The following HELZ variants were observed in gnomAD, a reference collection of about 807,000 sequenced individuals.
HELZ encodes ATP-dependent RNA helicase with zinc finger domain.
A neutral mutation model predicts 218.2 loss-of-function variants in HELZ; 23 were observed. The observed-to-expected ratio is 0.11, with a 90% CI of 0.08 to 0.15. The LOEUF is 0.15. Among genes scored for constraint, HELZ ranks in the 10% least tolerant of loss-of-function variants. HELZ has a pLI of 1.00. For missense variants in HELZ, 1,813 were observed against 2,353.7 expected (o/e 0.77, Z 4.75); for synonymous variants, 814 against 829.4 (o/e 0.98, Z 0.32).
At chr17:67,179,561 T>A (rs929513461) in intron 12 of HELZ, 1 of 152,180 alleles carries the variant, frequency 6.6e-6, no homozygotes, top group African/African-American at 2.4e-5. Context: ...TAGGGCACAA[T>A]GTCAAAACAA....
chr17:67,192,183 C>G (rs943438590), intron 9 of HELZ, among the ~76,000 whole-genome samples: 6 of 151,404 alleles, frequency 4.0e-5, no homozygotes, highest in African/African-American at 1.5e-4. Context: ...GCCTGGGCAA[C>G]AAGAGCAAAA....
At position 67,235,237 on chromosome 17, in the gene HELZ, T is replaced by G. The variant is rs556905927; in HGVS notation, c.-19+4196A>C. Among the ~76,000 whole-genome samples, 11 of 152,140 alleles carry G rather than the reference T, an allele frequency of 7.2e-5. No homozygotes were observed. The East Asian group carries it at 1.9e-3, about 27-fold the overall frequency. On this transcript the variant is annotated intron_variant, in intron 3 of 32. Transcript: ENST00000358691. The stretch of plus-strand genomic sequence containing the variant: ...AGAGACAACAGAAGGCCGGGCGCGG[T>G]GGCTCACACCTGTAATCCCAGCACT...
At chr17:67,097,923 A>G (rs1186532328) in intron 31 of HELZ, among the ~76,000 whole-genome samples, 1 of 152,232 alleles carries the variant, frequency 6.6e-6, no homozygotes, top group African/African-American at 2.4e-5. Flanking sequence ...AAGAATGTGG[A>G]GAAATTAAGT....
chr17:67,175,702 C>T (rs2039435812), intron 13 of HELZ, among the ~76,000 whole-genome samples: 1 of 152,178 alleles, frequency 6.6e-6, no homozygotes, highest in Non-Finnish European at 1.5e-5. Flanking sequence ...GCCTTCATAT[C>T]CAGGGTTACC....
intron 20 of HELZ, among the ~76,000 whole-genome samples, chr17:67,146,877 G>C (rs1163181441): frequency 6.6e-6 from 1 of 152,124 alleles, no homozygotes; most frequent in Non-Finnish European, 1.5e-5. Context: ...GGAGCACAAA[G>C]GGGCTTTTGG....
chr17:67,097,862 T>C (rs2036797660), intron 31 of HELZ, among the ~76,000 whole-genome samples: 1 of 152,234 alleles, frequency 6.6e-6, no homozygotes, highest in Non-Finnish European at 1.5e-5. Context: ...ACTAAATAAA[T>C]TTTCCAGCTT....
At position 67,077,502 on chromosome 17, in the gene HELZ, A is replaced by G. The variant is rs1401102586; in HGVS notation, c.*750T>C. 1 of 152,226 alleles carries G rather than the reference A, an allele frequency of 6.6e-6. No homozygotes were observed. The highest frequency in any genetic ancestry group is 1.5e-5 in the Non-Finnish European group (1 of 67,988). The allele number at this position is 152,226 out of a possible 1,614,324, so 9.4% of individuals were successfully genotyped here. ...TTGATTTGTTTAAAAAAAAAAACAC[A>G]CACTATCAAATTAACATTAAAAACA... On this transcript the variant is annotated 3_prime_UTR_variant, in exon 33 of 33. Transcript: ENST00000358691.
chr17:67,170,667 A>G (rs563766393), intron 13 of HELZ, among the ~76,000 whole-genome samples: 2 of 152,162 alleles, frequency 1.3e-5, no homozygotes, highest in South Asian at 4.2e-4. Flanking sequence ...TCTCTACTAA[A>G]AACACAAAAA....
In HELZ at chr17:67,146,682, TCAG is replaced by T. The variant is rs2038508135; in HGVS notation, c.2622-795_2622-793del. Among the ~76,000 whole-genome samples, 3 of 152,340 alleles carry T rather than the reference TCAG, an allele frequency of 2.0e-5. No homozygotes were observed. The South Asian group carries it at 6.2e-4, about 32-fold the overall frequency. On this transcript the variant is annotated intron_variant, in intron 20 of 32. Transcript: ENST00000358691. The stretch of plus-strand genomic sequence containing the variant: ...AAGACACCATCTAGTACTTGACTCA[TCAG>T]TGACTGTAGCAAATGACTGAAAATA...
In HELZ at chr17:67,073,713, A is replaced by C. The variant is rs186414845; in HGVS notation, c.*4539T>G. 3.9e-5 allele frequency: 6 copies of C among 152,304 alleles called. No homozygotes were observed. The East Asian group carries it at 1.2e-3, about 29-fold the overall frequency. The allele number at this position is 152,304 out of a possible 1,614,324, so 9.4% of individuals were successfully genotyped here. On this transcript the variant is annotated 3_prime_UTR_variant, in exon 33 of 33. Transcript: ENST00000358691. ...TTCAAAAATTTTAAACGTTACATTA[A>C]AATTGTTTTTAAATCTCTTGAATCT...
At chr17:67,171,037 G>GT (rs758960573) in intron 13 of HELZ, among the ~76,000 whole-genome samples, 1,509 of 131,636 alleles carry the variant, frequency 0.011, 6 homozygotes, top group Non-Finnish European at 0.014. Flanking sequence ...ATGATGTACA[G>GT]TTTTTTTTTT....
intron 3 of HELZ, among the ~76,000 whole-genome samples, chr17:67,229,220 G>T (rs1436756846): frequency 6.6e-6 from 1 of 152,006 alleles, no homozygotes; most frequent in Non-Finnish European, 1.5e-5. Context: ...ACAGATATCC[G>T]GGCCACCACC....
intron 22 of HELZ, 60 bp from the exon 23 acceptor site, chr17:67,136,258 T>C: frequency 9.0e-7 from 1 of 1,105,946 alleles, no homozygotes; most frequent in Non-Finnish European, 1.3e-6. Context: ...ACTGATATAA[T>C]AAAAGCATTG....
intron 3 of HELZ, chr17:67,224,672 T>C: frequency 2.8e-6 from 2 of 710,736 alleles, no homozygotes; most frequent in Non-Finnish European, 5.0e-6. Flanking sequence ...TATATGATTC[T>C]TCTGTGTCTT....
chr17:67,119,516 AT>A (rs1397020069), intron 27 of HELZ, among the ~76,000 whole-genome samples: 4 of 152,164 alleles, frequency 2.6e-5, no homozygotes, highest in Admixed American at 1.3e-4. Flanking sequence ...TTTTGTAAAT[AT>A]GTAAATATCT....
At position 67,170,398 on chromosome 17, in the gene HELZ, C is replaced by T. The variant is rs571148363; in HGVS notation, c.1431-2602G>A. ...GGCGTGGTGGCACATGCCTGTAATC[C>T]CGGCTACTTGGGAGGCTGAGGCAAA... is the stretch of plus-strand genomic sequence containing the variant. On this transcript the variant is annotated intron_variant, in intron 13 of 32. Coordinates refer to ENST00000358691, the MANE Select transcript of HELZ (RefSeq NM_014877.4). 1.1e-4 allele frequency among the ~76,000 whole-genome samples: 17 copies of T among 151,810 alleles called. No individual in the cohort carries two copies. In the South Asian group the frequency reaches 2.7e-3, roughly 24 times the overall value.
At chr17:67,142,349 A>G (rs895414495) in intron 21 of HELZ, among the ~76,000 whole-genome samples, 1 of 152,082 alleles carries the variant, frequency 6.6e-6, no homozygotes, top group Non-Finnish European at 1.5e-5. Context: ...TCTACAAAAA[A>G]TACAAAAATT....
At chr17:67,187,563 G>T (rs1246768902) in intron 12 of HELZ, among the ~76,000 whole-genome samples, 1 of 152,190 alleles carries the variant, frequency 6.6e-6, no homozygotes, top group Non-Finnish European at 1.5e-5. Context: ...CAATACAAAA[G>T]CAAGTTTCAC....
rs199662270 is a variant in HELZ at position 67,166,578 on chromosome 17, G to A, written c.1795C>T (p.Pro599Ser). The A allele has an allele frequency of 2.1e-4, 345 of 1,613,142 alleles. No individual in the cohort carries two copies. Among genetic ancestry groups the A allele is most frequent in the Non-Finnish European group, 2.7e-4 (319 of 1,179,354 alleles). ...VELQFQLNRL[P>S]LCEMHYALDR... is the part of the protein sequence containing the mutation. The stretch of plus-strand genomic sequence containing the variant: ...AGTGCATAGTGCATTTCACAGAGGG[G>A]TAATCGATTTAATTGAAACTGAAGT... The change falls in exon 15 of 33, where the codon CCC (proline) becomes TCC (serine). Residue 599 changes from proline (P) to serine (S), a missense_variant. Physicochemically the swap from Pro to Ser is moderately conservative, Grantham distance 74 (BLOSUM62 -1). Transcript: ENST00000358691.
Sources: allele counts gnomAD v4.1 joint callset (sites outside exome capture counted in the v4.1 genomes callset), GRCh38; gene constraint gnomAD v4.1.1; transcripts MANE v1.5; gene names NCBI Gene and HGNC (gene_info 2026-07-23, HGNC 2026-07-21).